HPSE2: variants seen among roughly 807,000 people sequenced by gnomAD.
HPSE2 encodes heparanase 2 (inactive), also known as inactive heparanase-2.
In HPSE2, 38 loss-of-function variants were observed where a neutral mutation model predicts 60.5. That is an observed-to-expected ratio of 0.63 (90% confidence interval 0.48 to 0.82). The LOEUF is 0.82. HPSE2 is among the 40% of genes least tolerant of loss of function. The pLI, the probability that HPSE2 is intolerant of heterozygous loss-of-function variation, is 0.00. For missense variants in HPSE2, 713 were observed against 740.4 expected (o/e 0.96, Z 0.43); for synonymous variants, 295 against 293.2 (o/e 1.01, Z -0.06).
intron 9 of HPSE2, among the ~76,000 whole-genome samples, chr10:98,528,142 C>T (rs1406315486): frequency 6.6e-6 from 1 of 152,080 alleles, no homozygotes; most frequent in Non-Finnish European, 1.5e-5. Context: ...CACCCGCATT[C>T]TCATTAAGGT....
At chr10:98,656,906 C>T (rs995345856) in intron 6 of HPSE2, among the ~76,000 whole-genome samples, 6 of 151,866 alleles carry the variant, frequency 4.0e-5, no homozygotes, top group African/African-American at 1.5e-4. Flanking sequence ...GGATTATAGG[C>T]ACCCGCCACC....
rs189142845 is a variant in HPSE2, at chr10:99,185,556, C to T, written c.449-41157G>A. On this transcript the variant is annotated intron_variant, in intron 2 of 11. Coordinates refer to ENST00000370552, the MANE Select transcript of HPSE2 (RefSeq NM_021828.5). Reference sequence around the variant, plus strand: ...TTGGGAGGCTGAGGTGGGCAGATCACGAGGTCAGGAGATTGAGACCATCCT... The same window carrying T: ...TTGGGAGGCTGAGGTGGGCAGATCATGAGGTCAGGAGATTGAGACCATCCT... Among the ~76,000 whole-genome samples the T allele has an allele frequency of 3.0e-3, 453 of 152,014 alleles. 2 individuals carry two copies. Among genetic ancestry groups the T allele is most frequent in the African/African-American group, 0.01 (431 of 41,454 alleles).
At chr10:99,185,146 A>C (rs1458589597) in intron 2 of HPSE2, among the ~76,000 whole-genome samples, 1 of 150,672 alleles carries the variant, frequency 6.6e-6, no homozygotes, top group Admixed American at 6.6e-5. Flanking sequence ...CTAAATATAC[A>C]AAAAAAAATT....
chr10:98,814,111 T>C (rs1361988948), intron 3 of HPSE2, among the ~76,000 whole-genome samples: 1 of 152,192 alleles, frequency 6.6e-6, no homozygotes, highest in African/African-American at 2.4e-5. Flanking sequence ...GGCCTTGGCC[T>C]TTCCACTATA....
chr10:99,014,713 C>G (rs953083976), intron 3 of HPSE2, among the ~76,000 whole-genome samples: 4 of 152,080 alleles, frequency 2.6e-5, no homozygotes, highest in African/African-American at 9.7e-5. Flanking sequence ...TGATGTTGAG[C>G]TTTTCTTCAC....
intron 3 of HPSE2, among the ~76,000 whole-genome samples, chr10:99,039,587 G>A (rs1451734686): frequency 6.6e-6 from 1 of 151,336 alleles, no homozygotes; most frequent in African/African-American, 2.4e-5. Flanking sequence ...CTTTGAAGCA[G>A]CTGGTACTCT....
At chr10:98,824,547 C>T (rs555890590) in intron 3 of HPSE2, among the ~76,000 whole-genome samples, 29 of 152,246 alleles carry the variant, frequency 1.9e-4, no homozygotes, top group African/African-American at 7.0e-4. Flanking sequence ...CTCAATTTAT[C>T]TTTAAAATGA....
chr10:98,686,935 CAGT>C (rs1424151148), intron 6 of HPSE2, among the ~76,000 whole-genome samples: 1 of 152,116 alleles, frequency 6.6e-6, no homozygotes, highest in Admixed American at 6.5e-5. Flanking sequence ...GTCTGTTTGA[CAGT>C]GTTATTAAAA....
chr10:99,186,447 G>A (rs1474891816), intron 2 of HPSE2, among the ~76,000 whole-genome samples: 1 of 148,932 alleles, frequency 6.7e-6, no homozygotes, highest in Non-Finnish European at 1.5e-5. Context: ...GGAGGCTGAG[G>A]TAGAAGAATC....
At chr10:99,020,501 A>G (rs1259574158) in intron 3 of HPSE2, among the ~76,000 whole-genome samples, 3 of 152,186 alleles carry the variant, frequency 2.0e-5, no homozygotes, top group Non-Finnish European at 4.4e-5. Context: ...CTGAAAGATG[A>G]TCTGACATTC....
intron 2 of HPSE2, among the ~76,000 whole-genome samples, chr10:99,161,524 C>CATA (rs1343626960): frequency 1.3e-5 from 2 of 152,078 alleles, no homozygotes; most frequent in Admixed American, 1.3e-4. Flanking sequence ...TGACAGAAAG[C>CATA]ATATCAGTGG....
At chr10:99,181,423 A>ACACACG (rs1253889987) in intron 2 of HPSE2, among the ~76,000 whole-genome samples, 1 of 143,726 alleles carries the variant, frequency 7.0e-6, no homozygotes, top group Non-Finnish European at 1.5e-5. Flanking sequence ...AAAAAAAAAG[A>ACACACG]CACACGCACA....
At chr10:99,303,360 C>T in the HPSE2 span, among the ~76,000 whole-genome samples, 290 of 152,262 alleles carry the variant, frequency 1.9e-3, 1 homozygote, top group African/African-American at 6.7e-3. Flanking sequence ...GATTAAGAGA[C>T]ACATAGAATG....
chr10:98,772,847 G>A (rs1950268384), intron 3 of HPSE2, among the ~76,000 whole-genome samples: 1 of 152,178 alleles, frequency 6.6e-6, no homozygotes, highest in African/African-American at 2.4e-5. Flanking sequence ...ATGTTGATAT[G>A]AGAGTTATTG....
At chr10:98,963,190 G>A (rs1376707827) in intron 3 of HPSE2, among the ~76,000 whole-genome samples, 1 of 152,004 alleles carries the variant, frequency 6.6e-6, no homozygotes, top group Non-Finnish European at 1.5e-5. Flanking sequence ...TCATGTTCAA[G>A]TCCTTTGGAG....
intron 3 of HPSE2, among the ~76,000 whole-genome samples, chr10:98,802,157 A>G (rs1449949009): frequency 1.3e-5 from 2 of 152,140 alleles, no homozygotes; most frequent in South Asian, 2.1e-4. Context: ...CTAGATTCCT[A>G]TCTCTCACAA....
intron 2 of HPSE2, among the ~76,000 whole-genome samples, chr10:99,170,192 A>AT (rs949808232): frequency 1.3e-5 from 2 of 152,180 alleles, no homozygotes; most frequent in African/African-American, 4.8e-5. Flanking sequence ...CCAAGGAAAG[A>AT]TTAGACTCCA....
chr10:98,861,691 G>T (rs1347257786), intron 3 of HPSE2, among the ~76,000 whole-genome samples: 1 of 152,178 alleles, frequency 6.6e-6, no homozygotes, highest in Non-Finnish European at 1.5e-5. Context: ...ATGAGGTCAA[G>T]AAAGAATCTA....
chr10:98,875,502 C>T (rs574258089), intron 3 of HPSE2, among the ~76,000 whole-genome samples: 14 of 151,896 alleles, frequency 9.2e-5, no homozygotes, highest in East Asian at 1.9e-4. Flanking sequence ...CTGAATAGAC[C>T]GATAACAAGT....
Sources: gnomAD v4.1 joint callset for allele counts (sites outside exome capture counted in the v4.1 genomes callset) on GRCh38, gnomAD v4.1.1 for gene constraint, MANE v1.5 for transcripts, NCBI Gene and HGNC (gene_info 2026-07-23, HGNC 2026-07-21) for gene names.